FRMD3: variants seen among roughly 807,000 people sequenced by gnomAD.
FRMD3 encodes FERM domain-containing protein 3.
Under a neutral mutation model 70.2 loss-of-function variants are expected in FRMD3, and 33 were observed. The observed-to-expected ratio is 0.47, with a 90% confidence interval of 0.36 to 0.63. The LOEUF (loss-of-function observed/expected upper bound fraction) is 0.63. FRMD3 is among the 20% of genes least tolerant of loss of function. The pLI is 0.00. For missense variants in FRMD3, 632 were observed against 711.4 expected (o/e 0.89, Z 1.27); for synonymous variants, 279 against 255.9 (o/e 1.09, Z -0.86).
chr9:83,447,213 CAG>C (rs913628472), intron 1 of FRMD3, among the ~76,000 whole-genome samples: 17 of 152,126 alleles, frequency 1.1e-4, no homozygotes, highest in African/African-American at 3.1e-4. Flanking sequence ...TTAGTAGAGA[CAG>C]GGTTTCATCA....
At chr9:83,551,247 C>T in the FRMD3 span, among the ~76,000 whole-genome samples, 2 of 151,830 alleles carry the variant, frequency 1.3e-5, no homozygotes, top group Non-Finnish European at 2.9e-5. Context: ...ATGGTTTTTG[C>T]TTTAGTTCTG....
intron 1 of FRMD3, among the ~76,000 whole-genome samples, chr9:83,470,794 T>C (rs553461689): frequency 6.6e-6 from 1 of 152,242 alleles, no homozygotes; most frequent in Non-Finnish European, 1.5e-5. Flanking sequence ...AATGAATATT[T>C]GCAGGCTGGA....
the FRMD3 span, among the ~76,000 whole-genome samples, chr9:83,581,828 C>T: frequency 6.6e-6 from 1 of 152,042 alleles, no homozygotes; most frequent in Non-Finnish European, 1.5e-5. Context: ...AAATTAATCC[C>T]AAAAGACCAC....
intron 6 of FRMD3, among the ~76,000 whole-genome samples, chr9:83,320,768 T>C (rs1194860227): frequency 6.6e-6 from 1 of 152,182 alleles, no homozygotes; most frequent in Non-Finnish European, 1.5e-5. Context: ...TCTTTGCATG[T>C]TCTCTAGAAT....
chr9:83,483,407 G>A (rs1371666992), intron 1 of FRMD3, among the ~76,000 whole-genome samples: 1 of 152,098 alleles, frequency 6.6e-6, no homozygotes, highest in Non-Finnish European at 1.5e-5. Context: ...ATAGCAGTGT[G>A]AGAATGAACT....
At chr9:83,565,915 A>G in the FRMD3 span, among the ~76,000 whole-genome samples, 3 of 152,220 alleles carry the variant, frequency 2.0e-5, no homozygotes, top group African/African-American at 4.8e-5. Context: ...CTGGCTCTGC[A>G]TACTCCCATC....
At chr9:83,522,999 T>G (rs1214718208) in intron 1 of FRMD3, among the ~76,000 whole-genome samples, 1 of 152,212 alleles carries the variant, frequency 6.6e-6, no homozygotes, top group Non-Finnish European at 1.5e-5. Flanking sequence ...TATTTTTCTA[T>G]CACAATAGTG....
At chr9:83,302,610 C>T (rs1834969810) in intron 10 of FRMD3, among the ~76,000 whole-genome samples, 1 of 152,156 alleles carries the variant, frequency 6.6e-6, no homozygotes, top group Non-Finnish European at 1.5e-5. Flanking sequence ...TTCCCACCTT[C>T]CTCCCTCCCT....
chr9:83,508,147 T>C (rs1454781135), intron 1 of FRMD3, among the ~76,000 whole-genome samples: 3 of 152,108 alleles, frequency 2.0e-5, no homozygotes, highest in African/African-American at 7.2e-5. Flanking sequence ...AGAAGCCAAA[T>C]GTGAGAAGAC....
At chr9:83,383,099 G>A (rs1257483441) in intron 2 of FRMD3, among the ~76,000 whole-genome samples, 1 of 152,196 alleles carries the variant, frequency 6.6e-6, no homozygotes, top group Non-Finnish European at 1.5e-5. Flanking sequence ...ATCAGAGGGA[G>A]AGGACCCCTG....
chr9:83,421,236 G>A (rs563459871), intron 1 of FRMD3, among the ~76,000 whole-genome samples: 131 of 151,952 alleles, frequency 8.6e-4, no homozygotes, highest in Non-Finnish European at 1.6e-3. Context: ...CACCGCGCCC[G>A]GCCGAGCCAT....
intron 1 of FRMD3, among the ~76,000 whole-genome samples, chr9:83,466,281 T>C (rs183021947): frequency 6.6e-6 from 1 of 152,352 alleles, no homozygotes; most frequent in African/African-American, 2.4e-5. Context: ...TGCATTTTAC[T>C]TCTTCAAGAA....
At chr9:83,476,530 T>G (rs1242305749) in intron 1 of FRMD3, among the ~76,000 whole-genome samples, 1 of 152,186 alleles carries the variant, frequency 6.6e-6, no homozygotes, top group Non-Finnish European at 1.5e-5. Context: ...GATGCTAGCA[T>G]GTCCACTAGT....
chr9:83,346,545 A>C (rs1276548499), intron 4 of FRMD3, among the ~76,000 whole-genome samples: 1 of 152,196 alleles, frequency 6.6e-6, no homozygotes, highest in African/African-American at 2.4e-5. Context: ...CTTGGGAGAA[A>C]AGAGAATACT....
chr9:83,297,198 G>C (rs1204897459), intron 12 of FRMD3, among the ~76,000 whole-genome samples: 1 of 152,158 alleles, frequency 6.6e-6, no homozygotes, highest in Non-Finnish European at 1.5e-5. Flanking sequence ...GTCCTGCTTT[G>C]TGTTTGTGCT....
chr9:83,378,679 A>G (rs1453754442), intron 2 of FRMD3, among the ~76,000 whole-genome samples: 2 of 128,236 alleles, frequency 1.6e-5, no homozygotes, highest in Admixed American at 9.2e-5. Flanking sequence ...TATATTATAT[A>G]TATAATTTAT....
chr9:83,439,920 T>C (rs1827248494), intron 1 of FRMD3, among the ~76,000 whole-genome samples: 1 of 152,170 alleles, frequency 6.6e-6, no homozygotes, highest in Non-Finnish European at 1.5e-5. Context: ...TACTAATCTA[T>C]ATTAAATATA....
intron 1 of FRMD3, among the ~76,000 whole-genome samples, chr9:83,446,740 G>C (rs996555324): frequency 1.3e-5 from 2 of 151,064 alleles, no homozygotes; most frequent in African/African-American, 2.4e-5. Flanking sequence ...GAAAAGATTT[G>C]CCAAGTAGGA....
At chr9:83,479,700 G>A in intron 1 of FRMD3, among the ~76,000 whole-genome samples, 1 of 71,140 alleles carries the variant, frequency 1.4e-5, no homozygotes, top group African/African-American at 7.4e-5. Context: ...AAGAAAGAAA[G>A]AAAGAAAGAA....
Sources: gnomAD v4.1 joint callset for allele counts (sites outside exome capture counted in the v4.1 genomes callset) on GRCh38, gnomAD v4.1.1 for gene constraint, MANE v1.5 for transcripts, NCBI Gene and HGNC (gene_info 2026-07-23, HGNC 2026-07-21) for gene names.